The following STK38L variants were observed in gnomAD, a reference collection of about 807,000 sequenced individuals.
The protein encoded by STK38L is serine/threonine kinase 38 like, also known as serine/threonine-protein kinase 38-like.
STK38L carries 28 observed loss-of-function variants against 59.7 expected under a neutral mutation model. The ratio of observed to expected loss-of-function variants is 0.47; its 90% CI spans 0.35 to 0.64. The LOEUF (loss-of-function observed/expected upper bound fraction) is 0.64, where lower values mean the gene tolerates loss of function less well. Ranked by LOEUF, STK38L falls within the 30% of genes least tolerant of loss-of-function variation. The pLI is 0.01. For missense variants in STK38L, 314 were observed against 555.8 expected (o/e 0.56, Z 4.37); for synonymous variants, 162 against 176.8 (o/e 0.92, Z 0.66).
At chr12:27,268,536 GGTTCCAAGTCTTT>G (rs1026021637) in intron 1 of STK38L, among the ~76,000 whole-genome samples, 1 of 152,128 alleles carries the variant, frequency 6.6e-6, no homozygotes, top group African/African-American at 2.4e-5. Flanking sequence ...CATTTGGCTT[GGTTCCAAGTCTTT>G]GTTATTGTGA....
chr12:27,306,174 A>G (rs1341624002), intron 3 of STK38L, among the ~76,000 whole-genome samples: 1 of 152,126 alleles, frequency 6.6e-6, no homozygotes, highest in East Asian at 1.9e-4. Flanking sequence ...AAACCACATA[A>G]ATTGTGTGAG....
intron 1 of STK38L, among the ~76,000 whole-genome samples, chr12:27,278,462 A>G (rs1200655305): frequency 6.6e-6 from 1 of 152,188 alleles, no homozygotes; most frequent in Non-Finnish European, 1.5e-5. Flanking sequence ...CGACAATTTT[A>G]TAGGATCTTA....
chr12:27,256,752 G>A (rs144401650), intron 1 of STK38L, among the ~76,000 whole-genome samples: 18 of 152,312 alleles, frequency 1.2e-4, no homozygotes, highest in Admixed American at 3.3e-4. Flanking sequence ...ATAATTTTAT[G>A]TCACTGCAAG....
intron 1 of STK38L, among the ~76,000 whole-genome samples, chr12:27,276,412 T>C (rs1024943531): frequency 2.0e-5 from 3 of 152,186 alleles, no homozygotes; most frequent in Admixed American, 6.5e-5. Flanking sequence ...TCTGGCAGCC[T>C]GTCCCTGTGC....
At chr12:27,280,733 T>C (rs1943636149) in intron 1 of STK38L, among the ~76,000 whole-genome samples, 1 of 152,252 alleles carries the variant, frequency 6.6e-6, no homozygotes. Context: ...ACTTTTTTCC[T>C]ATTTAGATAA....
rs1185994330 is a variant in STK38L, at chr12:27,310,379, C to T, written c.393+1182C>T. 2.6e-5 allele frequency among the ~76,000 whole-genome samples: 4 copies of T among 152,006 alleles called. No individual in the cohort carries two copies. In the East Asian group the frequency reaches 7.7e-4, roughly 29 times the overall value. On this transcript the variant is annotated intron_variant, in intron 5 of 13. Coordinates refer to ENST00000389032, the MANE Select transcript of STK38L (RefSeq NM_015000.4). ...TAAGGACGTGGGTAAAGATGCATAGCCTCAGAGACAGGGAGGGCAACAGGA... is the reference window on the plus strand; with the variant it reads ...TAAGGACGTGGGTAAAGATGCATAGTCTCAGAGACAGGGAGGGCAACAGGA...
At chr12:27,273,293 A>G (rs1024619151) in intron 1 of STK38L, among the ~76,000 whole-genome samples, 4 of 152,122 alleles carry the variant, frequency 2.6e-5, no homozygotes, top group African/African-American at 9.7e-5. Context: ...CTCCGTTTCT[A>G]TATGTGTGAC....
At chr12:27,247,072 T>G (rs1402224828) in intron 1 of STK38L, among the ~76,000 whole-genome samples, 1 of 152,234 alleles carries the variant, frequency 6.6e-6, no homozygotes, top group African/African-American at 2.4e-5. Flanking sequence ...AAAAGGCGTT[T>G]CTGTGGATGA....
Position 27,253,227 on chromosome 12 carries a change from T to C in STK38L, c.-12+8895T>C, listed in dbSNP as rs1445313541. Among the ~76,000 whole-genome samples the C allele has an allele frequency of 3.3e-5, 5 of 152,196 alleles. No individual in the cohort carries two copies. In the South Asian group the frequency reaches 8.3e-4, roughly 25 times the overall value. On this transcript the variant is annotated intron_variant, in intron 1 of 13. Coordinates refer to ENST00000389032, the MANE Select transcript of STK38L (RefSeq NM_015000.4). Reference sequence around the variant, plus strand: ...ATTTGAACCCTTTGAACTTAGAGAATTGATGTTTTCCAGCTTTTCATTCTC... The same window carrying C: ...ATTTGAACCCTTTGAACTTAGAGAACTGATGTTTTCCAGCTTTTCATTCTC...
At chr12:27,311,937 T>C (rs954139716) in intron 5 of STK38L, among the ~76,000 whole-genome samples, 1 of 152,062 alleles carries the variant, frequency 6.6e-6, no homozygotes, top group Non-Finnish European at 1.5e-5. Context: ...TGGAGTGCAG[T>C]GACGCAATCT....
At chr12:27,311,374 A>G (rs1944449765) in intron 5 of STK38L, among the ~76,000 whole-genome samples, 1 of 152,232 alleles carries the variant, frequency 6.6e-6, no homozygotes, top group African/African-American at 2.4e-5. Flanking sequence ...AATTCCAAAT[A>G]TGACACTTTA....
intron 1 of STK38L, among the ~76,000 whole-genome samples, chr12:27,284,983 G>A (rs1943740028): frequency 6.6e-6 from 1 of 151,980 alleles, no homozygotes; most frequent in Non-Finnish European, 1.5e-5. Flanking sequence ...GTTGGGAACA[G>A]TTTTTTTTGG....
chr12:27,310,047 G>A (rs1944419598), intron 5 of STK38L, among the ~76,000 whole-genome samples: 1 of 152,192 alleles, frequency 6.6e-6, no homozygotes, highest in South Asian at 2.1e-4. Context: ...AAGCAGACCT[G>A]CTAAGGAAAT....
intron 3 of STK38L, among the ~76,000 whole-genome samples, chr12:27,305,181 G>T (rs750925760): frequency 3.3e-5 from 5 of 152,154 alleles, no homozygotes; most frequent in Admixed American, 6.5e-5. Flanking sequence ...TTTTTTTGCA[G>T]AATAACCAAT....
intron 1 of STK38L, among the ~76,000 whole-genome samples, chr12:27,270,639 A>G (rs1374071953): frequency 1.3e-5 from 2 of 152,030 alleles, no homozygotes; most frequent in African/African-American, 2.4e-5. Context: ...TGGGCTCCCA[A>G]AGTGCTGGGA....
In STK38L at chr12:27,323,016, C is replaced by G. The variant is rs1402266347; in HGVS notation, c.*561C>G. 3 of 152,142 alleles carry G rather than the reference C, an allele frequency of 2.0e-5. No homozygotes were observed. Among genetic ancestry groups the G allele is most frequent in the African/African-American group, 4.8e-5 (2 of 41,444 alleles). 9.4% of individuals were successfully genotyped at this position (152,142 alleles called of 1,614,324 possible). On this transcript the variant is annotated 3_prime_UTR_variant, in exon 14 of 14. Coordinates refer to ENST00000389032, the MANE Select transcript of STK38L (RefSeq NM_015000.4). ...TTTAAGAGATTTAAAAAGAAATTCA[C>G]TGGTTCTTTACAAAATAGAATTTAT...
chr12:27,297,430 CT>C (rs2136638277), intron 1 of STK38L, among the ~76,000 whole-genome samples: 1 of 152,210 alleles, frequency 6.6e-6, no homozygotes, highest in East Asian at 1.9e-4. Flanking sequence ...TGAATGTGAC[CT>C]TTGTATATAA....
chr12:27,281,624 G>A (rs1943660840), intron 1 of STK38L, among the ~76,000 whole-genome samples: 1 of 152,214 alleles, frequency 6.6e-6, no homozygotes, highest in South Asian at 2.1e-4. Flanking sequence ...CTGGCACAGA[G>A]AAGGTGTTTT....
In STK38L at chr12:27,314,361, A is replaced by G. The variant is rs993664557; in HGVS notation, c.518-143A>G. The G allele has an allele frequency of 2.4e-5, 14 of 584,882 alleles. No homozygotes were observed. The East Asian group carries it at 3.4e-4, about 14-fold the overall frequency. 36.2% of individuals were successfully genotyped at this position (584,882 alleles called of 1,614,324 possible). ...GGTTGCAGTGAGCCATGATCACACC[A>G]CTGCACTCCAACCCAGGCAACAGAG... On this transcript the variant is annotated intron_variant, in intron 6 of 13. Coordinates refer to ENST00000389032, the MANE Select transcript of STK38L (RefSeq NM_015000.4).
Sources: allele counts gnomAD v4.1 joint callset (sites outside exome capture counted in the v4.1 genomes callset), GRCh38; gene constraint gnomAD v4.1.1; transcripts MANE v1.5; gene names NCBI Gene and HGNC (gene_info 2026-07-23, HGNC 2026-07-21).